Variants in AGBL4 observed in about 807,000 individuals in gnomAD.
AGBL4 encodes cytosolic carboxypeptidase 6.
A neutral mutation model predicts 66.4 loss-of-function variants in AGBL4; 58 were observed. That is an observed-to-expected ratio of 0.87 (90% confidence interval 0.71 to 1.09). AGBL4 has a LOEUF of 1.09. Among genes scored for constraint, AGBL4 ranks in the 50% least tolerant of loss-of-function variants. The probability of loss-of-function intolerance (pLI) is 0.00; values close to 1 mark genes in which losing one functional copy is unlikely to be tolerated. For synonymous variants in AGBL4, 234 were observed against 222.9 expected, an observed-to-expected ratio of 1.05 and a Z score of -0.44; for missense variants, 579 against 631.0, an observed-to-expected ratio of 0.92 and a Z score of 0.88.
At chr1:48,839,175 G>A (rs779703026) in intron 6 of AGBL4, among the ~76,000 whole-genome samples, 1 of 152,026 alleles carries the variant, frequency 6.6e-6, no homozygotes, top group Non-Finnish European at 1.5e-5. Flanking sequence ...TCCAATGCTG[G>A]ATATCCATCG....
At chr1:48,551,978 G>A (rs1644255433) in intron 11 of AGBL4, among the ~76,000 whole-genome samples, 1 of 152,168 alleles carries the variant, frequency 6.6e-6, no homozygotes, top group African/African-American at 2.4e-5. Flanking sequence ...TTCTGGATGA[G>A]ATAACCTTGG....
chr1:49,582,762 A>G (rs931889493), intron 3 of AGBL4, among the ~76,000 whole-genome samples: 2 of 152,100 alleles, frequency 1.3e-5, no homozygotes, highest in African/African-American at 4.8e-5. Context: ...TATCTCTTAT[A>G]GTTTTCTGGC....
intron 2 of AGBL4, among the ~76,000 whole-genome samples, chr1:49,746,710 A>G (rs887404582): frequency 1.3e-5 from 2 of 152,046 alleles, no homozygotes; most frequent in Admixed American, 1.3e-4. Flanking sequence ...CAATCCTTAT[A>G]TATCTTATAG....
intron 5 of AGBL4, among the ~76,000 whole-genome samples, chr1:49,015,249 A>G (rs1173008315): frequency 1.3e-5 from 2 of 151,980 alleles, no homozygotes; most frequent in Non-Finnish European, 2.9e-5. Flanking sequence ...ATCATGCCAT[A>G]CTTCTTTTCC....
intron 6 of AGBL4, among the ~76,000 whole-genome samples, chr1:48,720,732 TA>T (rs1439261183): frequency 6.6e-6 from 1 of 152,122 alleles, no homozygotes; most frequent in East Asian, 1.9e-4. Context: ...AGAGATGAAT[TA>T]ACACAGTCCT....
intron 4 of AGBL4, among the ~76,000 whole-genome samples, chr1:49,212,611 C>T (rs1648760089): frequency 6.6e-6 from 1 of 152,086 alleles, no homozygotes; most frequent in Non-Finnish European, 1.5e-5. Context: ...TTACTGCAAA[C>T]CAAACCAAGA....
chr1:49,823,789 T>TGA (rs1645432889), intron 2 of AGBL4, among the ~76,000 whole-genome samples: 1 of 151,802 alleles, frequency 6.6e-6, no homozygotes, highest in African/African-American at 2.4e-5. Flanking sequence ...TGTGTGTGTG[T>TGA]GTGTGTGTGT....
intron 3 of AGBL4, among the ~76,000 whole-genome samples, chr1:49,481,368 A>T (rs1306520261): frequency 6.6e-6 from 1 of 151,856 alleles, no homozygotes; most frequent in African/African-American, 2.4e-5. Flanking sequence ...ATTACTAGGC[A>T]TTTTATTCTT....
chr1:49,432,988 C>T (rs1645820239), intron 3 of AGBL4, among the ~76,000 whole-genome samples: 1 of 152,034 alleles, frequency 6.6e-6, no homozygotes, highest in Admixed American at 6.6e-5. Context: ...ATCAATCATG[C>T]CTACATAATG....
At chr1:49,097,666 T>C (rs1645130814) in intron 4 of AGBL4, among the ~76,000 whole-genome samples, 1 of 152,230 alleles carries the variant, frequency 6.6e-6, no homozygotes, top group Non-Finnish European at 1.5e-5. Flanking sequence ...GCTTCACCTC[T>C]ACCTCCGAGG....
chr1:49,987,467 T>C (rs1328890952), intron 1 of AGBL4, among the ~76,000 whole-genome samples: 1 of 151,938 alleles, frequency 6.6e-6, no homozygotes, highest in Non-Finnish European at 1.5e-5. Flanking sequence ...GGATCTTTTA[T>C]CAGTACTCAG....
At chr1:48,674,305 T>A (rs1646327541) in intron 6 of AGBL4, among the ~76,000 whole-genome samples, 1 of 152,182 alleles carries the variant, frequency 6.6e-6, no homozygotes, top group African/African-American at 2.4e-5. Context: ...TATTGAGTGA[T>A]GTCTGCTGGG....
chr1:49,197,466 G>T (rs1421137932), intron 4 of AGBL4, among the ~76,000 whole-genome samples: 1 of 152,132 alleles, frequency 6.6e-6, no homozygotes, highest in African/African-American at 2.4e-5. Context: ...TTGTTACAGG[G>T]GTAGCAGTAG....
intron 2 of AGBL4, among the ~76,000 whole-genome samples, chr1:49,761,512 C>T (rs976753549): frequency 6.6e-6 from 1 of 152,190 alleles, no homozygotes; most frequent in African/African-American, 2.4e-5. Flanking sequence ...CTTCGTTAGT[C>T]TCTTCCCTTT....
intron 1 of AGBL4, among the ~76,000 whole-genome samples, chr1:49,935,500 G>C (rs2148276014): frequency 6.6e-6 from 1 of 152,318 alleles, no homozygotes; most frequent in East Asian, 1.9e-4. Context: ...CCAGCAGGCA[G>C]CTGGAGATCT....
At chr1:48,534,611 G>A (rs562541609) in intron 13 of AGBL4, among the ~76,000 whole-genome samples, 1 of 152,254 alleles carries the variant, frequency 6.6e-6, no homozygotes, top group East Asian at 1.9e-4. Context: ...TGAAGATGTG[G>A]CTTTTGTAAC....
At chr1:49,766,890 CAAG>C (rs1363245198) in intron 2 of AGBL4, among the ~76,000 whole-genome samples, 3 of 152,018 alleles carry the variant, frequency 2.0e-5, no homozygotes, top group Non-Finnish European at 4.4e-5. Context: ...TTCAATTCAA[CAAG>C]AAGACTGAAC....
intron 1 of AGBL4, among the ~76,000 whole-genome samples, chr1:49,948,025 TAA>T (rs1280072277): frequency 3.2e-4 from 21 of 65,338 alleles, no homozygotes; most frequent in African/African-American, 1.5e-3. Context: ...TAAATATATA[TAA>T]ATATATATAC....
chr1:48,589,819 G>A (rs540946522), intron 10 of AGBL4, among the ~76,000 whole-genome samples: 2 of 152,314 alleles, frequency 1.3e-5, no homozygotes, highest in Admixed American at 6.5e-5. Context: ...AGAATGGTGG[G>A]CATACAACCT....
Sources: allele counts gnomAD v4.1 joint callset (sites outside exome capture counted in the v4.1 genomes callset), GRCh38; gene constraint gnomAD v4.1.1; transcripts MANE v1.5; gene names NCBI Gene and HGNC (gene_info 2026-07-23, HGNC 2026-07-21).